The following L3MBTL4 variants were observed in gnomAD, a reference collection of about 807,000 sequenced individuals.
L3MBTL4 encodes the protein lethal(3)malignant brain tumor-like protein 4.
In L3MBTL4, 70 loss-of-function variants were observed where a neutral mutation model predicts 84.5. That is an observed-to-expected ratio of 0.83 (90% CI 0.68 to 1.01). L3MBTL4 has a LOEUF of 1.01. Ranked by LOEUF, L3MBTL4 falls within the 50% of genes least tolerant of loss-of-function variation. The pLI, the probability that L3MBTL4 is intolerant of heterozygous loss-of-function variation, is 0.00. For synonymous variants in L3MBTL4, 274 were observed against 259.8 expected (o/e 1.05, Z -0.52); for missense variants, 715 against 754.8 (o/e 0.95, Z 0.62).
At chr18:6,078,784 A>T (rs1481306352) in intron 16 of L3MBTL4, among the ~76,000 whole-genome samples, 1 of 152,086 alleles carries the variant, frequency 6.6e-6, no homozygotes, top group African/African-American at 2.4e-5. Context: ...TTATTATTAC[A>T]TTGTAATAGA....
In L3MBTL4 at chr18:6,414,462, G is replaced by A. The variant is rs1283485681; in HGVS notation, c.-91+339C>T. 2.0e-5 allele frequency among the ~76,000 whole-genome samples: 3 copies of A among 152,108 alleles called. No individual in the cohort carries two copies. Among genetic ancestry groups the A allele is most frequent in the Non-Finnish European group, 4.4e-5 (3 of 67,990 alleles). Reference sequence around the variant, plus strand: ...TCCCAGGCTGCGCTGGCTCCAGGGCGCCCAGGTAGCCGCGCCTGGCACCCC... The same window carrying A: ...TCCCAGGCTGCGCTGGCTCCAGGGCACCCAGGTAGCCGCGCCTGGCACCCC... On this transcript the variant is annotated intron_variant, in intron 1 of 18. Transcript: ENST00000317931. This position sits in a 1 kb window ranked among gnomAD's most constrained non-coding sequence, Gnocchi z 5.4.
intron 15 of L3MBTL4, 77 bp downstream of exon 15, chr18:6,093,278 A>C (rs2058517941): frequency 9.0e-7 from 1 of 1,109,188 alleles, no homozygotes; most frequent in Admixed American, 2.7e-5. Flanking sequence ...AATAGAAACT[A>C]TTACTATTAA....
intron 16 of L3MBTL4, among the ~76,000 whole-genome samples, chr18:5,999,576 G>C (rs1207563342): frequency 2.6e-5 from 4 of 152,194 alleles, no homozygotes; most frequent in Non-Finnish European, 4.4e-5. Flanking sequence ...ATGGCTGTGA[G>C]CATTTCTCCT....
chr18:6,331,033 T>C (rs1950320418), intron 1 of L3MBTL4, among the ~76,000 whole-genome samples: 2 of 152,182 alleles, frequency 1.3e-5, no homozygotes, highest in African/African-American at 4.8e-5. Flanking sequence ...TACAGCAAAA[T>C]TATTTATATT....
intron 13 of L3MBTL4, among the ~76,000 whole-genome samples, chr18:6,158,818 G>A (rs757010254): frequency 2.0e-5 from 3 of 152,128 alleles, no homozygotes; most frequent in East Asian, 1.9e-4. Flanking sequence ...AAGTTCTTAC[G>A]TGCCTCAGTA....
At chr18:6,155,209 T>C (rs939808232) in intron 13 of L3MBTL4, among the ~76,000 whole-genome samples, 3 of 152,208 alleles carry the variant, frequency 2.0e-5, no homozygotes, top group Non-Finnish European at 4.4e-5. Flanking sequence ...TCTACATGGC[T>C]TTCAGCTCAT....
intron 3 of L3MBTL4, among the ~76,000 whole-genome samples, chr18:6,309,152 C>T (rs1309782369): frequency 6.6e-6 from 1 of 152,156 alleles, no homozygotes; most frequent in Non-Finnish European, 1.5e-5. Context: ...AGAAACGTCG[C>T]TTGTAAACCA....
intron 1 of L3MBTL4, among the ~76,000 whole-genome samples, chr18:6,353,526 T>C (rs1303884044): frequency 6.6e-6 from 1 of 152,140 alleles, no homozygotes; most frequent in African/African-American, 2.4e-5. Flanking sequence ...GGAGATATGA[T>C]CTTATATTTG....
At chr18:6,043,214 G>C (rs1487738763) in intron 16 of L3MBTL4, among the ~76,000 whole-genome samples, 1 of 152,084 alleles carries the variant, frequency 6.6e-6, no homozygotes, top group Non-Finnish European at 1.5e-5. Context: ...GCTGATCAAT[G>C]TGTATCTGTT....
At chr18:6,007,886 T>C (rs1025827373) in intron 16 of L3MBTL4, among the ~76,000 whole-genome samples, 1 of 152,158 alleles carries the variant, frequency 6.6e-6, no homozygotes, top group Admixed American at 6.5e-5. Context: ...AGCATGCTAC[T>C]TATTGTGTTA....
intron 1 of L3MBTL4, among the ~76,000 whole-genome samples, chr18:6,380,378 T>C (rs935739985): frequency 1.1e-4 from 16 of 152,220 alleles, no homozygotes; most frequent in African/African-American, 3.9e-4. Context: ...TTGTTTGCTC[T>C]TGCTTCTCTA....
intron 16 of L3MBTL4, among the ~76,000 whole-genome samples, chr18:5,970,058 G>C (rs2052563176): frequency 6.6e-6 from 1 of 152,236 alleles, no homozygotes; most frequent in Non-Finnish European, 1.5e-5. Context: ...TAAATCCCCT[G>C]AGTGATACTG....
At chr18:6,139,342 G>A (rs117949863) in intron 13 of L3MBTL4, among the ~76,000 whole-genome samples, 62 of 151,960 alleles carry the variant, frequency 4.1e-4, no homozygotes, top group African/African-American at 8.4e-4. Flanking sequence ...ACTATATACC[G>A]TACTGTACTG....
At position 6,337,173 on chromosome 18, in the gene L3MBTL4, T is replaced by C. The variant is rs994279312; in HGVS notation, c.-90-25117A>G. 3.9e-5 allele frequency among the ~76,000 whole-genome samples: 6 copies of C among 151,928 alleles called. No individual in the cohort carries two copies. The South Asian group carries it at 1.2e-3, about 31-fold the overall frequency. On this transcript the variant is annotated intron_variant, in intron 1 of 18. Transcript: ENST00000317931. ...ACAATAAAAAGACATAAAATGTAAT[T>C]GGGATCCCAAAAAGGAAAAAAATGA...
intron 14 of L3MBTL4, among the ~76,000 whole-genome samples, chr18:6,095,587 T>C (rs2058613234): frequency 6.6e-6 from 1 of 152,102 alleles, no homozygotes; most frequent in African/African-American, 2.4e-5. Context: ...CCTGACCTCA[T>C]GATCCGCCCA....
chr18:6,318,494 TAAAAAAAAAAAAAAAAAA>T (rs71370550), intron 1 of L3MBTL4, among the ~76,000 whole-genome samples: 5 of 14,204 alleles, frequency 3.5e-4, no homozygotes, highest in Admixed American at 1.3e-3. Flanking sequence ...ACAACAATAG[TAAAAAAAAAAAAAAAAAA>T]AAAAAAAAAA....
chr18:6,406,438 G>A (rs542997656), intron 1 of L3MBTL4, among the ~76,000 whole-genome samples: 2 of 152,130 alleles, frequency 1.3e-5, no homozygotes, highest in East Asian at 3.9e-4. Context: ...TGTGCTTTTC[G>A]ATTCATATTC....
intron 14 of L3MBTL4, among the ~76,000 whole-genome samples, chr18:6,132,971 C>T (rs371867123): frequency 1.1e-4 from 16 of 152,308 alleles, no homozygotes; most frequent in South Asian, 1.0e-3. Flanking sequence ...GTTATTTTAG[C>T]ACCAGTTCCA....
chr18:6,370,617 G>A (rs144345791), intron 1 of L3MBTL4, among the ~76,000 whole-genome samples: 1 of 152,220 alleles, frequency 6.6e-6, no homozygotes, highest in East Asian at 1.9e-4. Flanking sequence ...CACTACTGGT[G>A]GCCAAAAGAG....
Sources: allele counts gnomAD v4.1 joint callset (sites outside exome capture counted in the v4.1 genomes callset), GRCh38; gene constraint gnomAD v4.1.1; non-coding constraint Gnocchi (gnomAD v3.1); transcripts MANE v1.5; gene names NCBI Gene and HGNC (gene_info 2026-07-23, HGNC 2026-07-21).